The following PRLR variants were observed in gnomAD, a reference collection of about 807,000 sequenced individuals.
PRLR encodes the protein hPRL receptor.
Under a neutral mutation model 40.2 loss-of-function variants are expected in PRLR, and 13 were observed. The observed-to-expected ratio is 0.32, with a 90% CI of 0.21 to 0.51. The LOEUF is 0.51. Among genes scored for constraint, PRLR ranks in the 20% least tolerant of loss-of-function variants. PRLR has a pLI of 0.97. For synonymous variants in PRLR, 269 were observed against 278.7 expected (o/e 0.97, Z 0.35); for missense variants, 656 against 747.3 (o/e 0.88, Z 1.42).
intron 2 of PRLR, among the ~76,000 whole-genome samples, chr5:35,113,378 TATCC>T (rs753971139): frequency 0.52 from 54,578 of 105,068 alleles, 14,374 homozygotes; most frequent in Non-Finnish European, 0.56. Flanking sequence ...CCCACCCATT[TATCC>T]ATCCATCCAT....
intron 1 of PRLR, among the ~76,000 whole-genome samples, chr5:35,171,627 G>T (rs989566056): frequency 3.3e-5 from 5 of 152,206 alleles, no homozygotes; most frequent in Admixed American, 3.3e-4. Context: ...GATTTAGGAA[G>T]AAGGCTAAGC....
intron 6 of PRLR, among the ~76,000 whole-genome samples, chr5:35,070,703 C>T (rs1444831834): frequency 6.6e-6 from 1 of 151,732 alleles, no homozygotes; most frequent in African/African-American, 2.4e-5. Context: ...ATTAGCCAGG[C>T]ATGGTGGCAC....
chr5:35,198,835 C>G (rs1472850732), intron 1 of PRLR, among the ~76,000 whole-genome samples: 1 of 152,150 alleles, frequency 6.6e-6, no homozygotes, highest in Non-Finnish European at 1.5e-5. Flanking sequence ...GTGTTTCAGC[C>G]ACATGTCCTC....
At chr5:35,185,598 T>C (rs1775404942) in intron 1 of PRLR, among the ~76,000 whole-genome samples, 1 of 152,180 alleles carries the variant, frequency 6.6e-6, no homozygotes, top group Non-Finnish European at 1.5e-5. Context: ...CACAGGAGCC[T>C]TACAGCAAGA....
At chr5:35,180,108 C>T (rs182736514) in intron 1 of PRLR, among the ~76,000 whole-genome samples, 93 of 152,314 alleles carry the variant, frequency 6.1e-4, no homozygotes, top group African/African-American at 2.1e-3. Flanking sequence ...AGATCCCTCA[C>T]ATGTGCAGTT....
chr5:35,195,545 T>A (rs1198301535), intron 1 of PRLR: 1 of 152,204 alleles, frequency 6.6e-6, no homozygotes, highest in Non-Finnish European at 1.5e-5. Context: ...GACCTGAGTA[T>A]CTCACCTGTC....
chr5:35,070,695 T>A (rs1239907134), intron 6 of PRLR, among the ~76,000 whole-genome samples: 3 of 151,354 alleles, frequency 2.0e-5, no homozygotes, highest in Non-Finnish European at 4.4e-5. Flanking sequence ...AATACAAAAT[T>A]AGCCAGGCAT....
intron 1 of PRLR, among the ~76,000 whole-genome samples, chr5:35,164,377 G>A (rs1318470135): frequency 6.6e-6 from 1 of 152,078 alleles, no homozygotes; most frequent in African/African-American, 2.4e-5. Context: ...GGGTGCTCAG[G>A]GAAGGGATCT....
intron 5 of PRLR, among the ~76,000 whole-genome samples, chr5:35,083,281 T>C (rs1192013545): frequency 1.3e-5 from 2 of 151,976 alleles, no homozygotes; most frequent in African/African-American, 4.8e-5. Flanking sequence ...ATTTGGCAAG[T>C]TTTTCTAAAA....
intron 2 of PRLR, among the ~76,000 whole-genome samples, chr5:35,104,415 G>C (rs1226219632): frequency 6.6e-6 from 1 of 152,126 alleles, no homozygotes; most frequent in Admixed American, 6.5e-5. Flanking sequence ...GTGGAAGTAG[G>C]GGGGTGCATC....
At position 35,057,676 on chromosome 5, in the gene PRLR, G is replaced by A. The variant is rs1579542897; in HGVS notation, c.*7413C>T. Reference sequence around the variant, plus strand: ...AACCATGGAAAACAGAGAGCACAATGTGCCATAAGCAAAGATTTACAGAAT... The same window carrying A: ...AACCATGGAAAACAGAGAGCACAATATGCCATAAGCAAAGATTTACAGAAT... On this transcript the variant is annotated 3_prime_UTR_variant, in exon 10 of 10. Transcript: ENST00000618457. 1 of 152,088 alleles carries A rather than the reference G, an allele frequency of 6.6e-6. No homozygotes were observed. The highest frequency in any genetic ancestry group is 2.4e-5 in the African/African-American group (1 of 41,424). The allele number at this position is 152,088 out of a possible 1,614,324, so 9.4% of individuals were successfully genotyped here. A position where few individuals can be genotyped will look rare whatever the true frequency, so the allele number is the denominator to read the frequency against.
chr5:35,145,843 G>A (rs1232141232), intron 1 of PRLR, among the ~76,000 whole-genome samples: 1 of 152,208 alleles, frequency 6.6e-6, no homozygotes, highest in Non-Finnish European at 1.5e-5. Context: ...CTGCATTTCT[G>A]TTTGTCTATC....
At chr5:35,203,980 A>G (rs1775946212) in intron 1 of PRLR, among the ~76,000 whole-genome samples, 1 of 152,070 alleles carries the variant, frequency 6.6e-6, no homozygotes, top group African/African-American at 2.4e-5. Flanking sequence ...ACAAAAACAA[A>G]CCCAACAACA....
At chr5:35,087,267 G>A (rs1383390716) in intron 3 of PRLR, among the ~76,000 whole-genome samples, 1 of 152,116 alleles carries the variant, frequency 6.6e-6, no homozygotes, top group Non-Finnish European at 1.5e-5. Context: ...TGGGATTAAA[G>A]GCATGAGCTA....
At chr5:35,174,337 G>T (rs1011176847) in intron 1 of PRLR, among the ~76,000 whole-genome samples, 1 of 152,062 alleles carries the variant, frequency 6.6e-6, no homozygotes, top group East Asian at 1.9e-4. Context: ...CAATCCACCC[G>T]CCTCGGCCTC....
intron 1 of PRLR, among the ~76,000 whole-genome samples, chr5:35,129,485 G>C (rs1257497658): frequency 6.6e-6 from 1 of 152,096 alleles, no homozygotes; most frequent in African/African-American, 2.4e-5. Flanking sequence ...GCCTAACAAA[G>C]TTGGGAGGAT....
chr5:35,188,741 C>T (rs574254582), intron 1 of PRLR, among the ~76,000 whole-genome samples: 1 of 152,302 alleles, frequency 6.6e-6, no homozygotes, highest in South Asian at 2.1e-4. Flanking sequence ...TAATACAAAC[C>T]GGTGGAATCT....
intron 2 of PRLR, among the ~76,000 whole-genome samples, chr5:35,098,869 C>T (rs1771692816): frequency 1.3e-5 from 2 of 152,176 alleles, no homozygotes; most frequent in Admixed American, 6.5e-5. Flanking sequence ...CTAATTCAAC[C>T]CCTCACTTTA....
At position 35,062,272 on chromosome 5, in the gene PRLR, C is replaced by T. The variant is rs1769083223; in HGVS notation, c.*2817G>A. On this transcript the variant is annotated 3_prime_UTR_variant, in exon 10 of 10. Coordinates refer to ENST00000618457, the MANE Select transcript of PRLR (RefSeq NM_000949.7). ...GAATCAAGGAGTCAGTTTCAAAGGA[C>T]CTTAGAGGTTATCTGGTCCAACATC... The T allele has an allele frequency of 6.6e-6, 1 of 152,048 alleles. No homozygotes were observed. The highest frequency in any genetic ancestry group is 2.1e-4 in the South Asian group (1 of 4,814). The allele number at this position is 152,048 out of a possible 1,614,324, so 9.4% of individuals were successfully genotyped here. A position where few individuals can be genotyped will look rare whatever the true frequency, so the allele number is the denominator to read the frequency against.
Sources: allele counts gnomAD v4.1 joint callset (sites outside exome capture counted in the v4.1 genomes callset), GRCh38; gene constraint gnomAD v4.1.1; transcripts MANE v1.5; gene names NCBI Gene and HGNC (gene_info 2026-07-23, HGNC 2026-07-21).